The following PDE4D variants were observed in gnomAD, a reference collection of about 807,000 sequenced individuals.
PDE4D encodes phosphodiesterase 4D.
A neutral mutation model predicts 87.4 loss-of-function variants in PDE4D; 24 were observed. That is an observed-to-expected ratio of 0.27 (90% CI 0.20 to 0.39). The LOEUF is 0.39. Ranked by LOEUF, PDE4D falls within the 10% of genes least tolerant of loss-of-function variation. The pLI is 1.00. For missense variants in PDE4D, 714 were observed against 1,041.0 expected, an observed-to-expected ratio of 0.69 and a Z score of 4.32; for synonymous variants, 384 against 383.2, an observed-to-expected ratio of 1.00 and a Z score of -0.02.
chr5:59,771,340 C>G (rs1432803025), intron 1 of PDE4D, among the ~76,000 whole-genome samples: 1 of 148,790 alleles, frequency 6.7e-6, no homozygotes, highest in African/African-American at 2.5e-5. Context: ...AAAAGTGATT[C>G]TTAGTGACCA....
intron 1 of PDE4D, among the ~76,000 whole-genome samples, chr5:60,474,694 A>G (rs184755330): frequency 9.2e-5 from 14 of 152,344 alleles, no homozygotes; most frequent in African/African-American, 3.1e-4. Context: ...ATGCGAAGTC[A>G]TTCAGACACA....
chr5:60,297,505 G>C (rs1022078489), intron 1 of PDE4D, among the ~76,000 whole-genome samples: 1 of 152,052 alleles, frequency 6.6e-6, no homozygotes, highest in African/African-American at 2.4e-5. Context: ...AGTATGTTAT[G>C]GTTACCAAAC....
intron 6 of PDE4D, among the ~76,000 whole-genome samples, chr5:58,995,433 G>A (rs1217624690): frequency 6.6e-6 from 1 of 151,968 alleles, no homozygotes; most frequent in East Asian, 1.9e-4. Context: ...AATAAACTTT[G>A]GGCCTTCTAA....
chr5:60,114,609 A>G (rs1026280677), intron 2 of PDE4D, among the ~76,000 whole-genome samples: 1 of 152,084 alleles, frequency 6.6e-6, no homozygotes, highest in African/African-American at 2.4e-5. Context: ...TACTAAAGAA[A>G]AACCAAATGA....
intron 2 of PDE4D, chr5:60,031,040 T>C (rs1767185993): frequency 2.0e-5 from 3 of 152,196 alleles, no homozygotes; most frequent in African/African-American, 4.8e-5. Context: ...TTGTTGAAAA[T>C]AGATATAGAA....
chr5:60,246,291 G>T (rs1747769149), intron 1 of PDE4D, among the ~76,000 whole-genome samples: 1 of 150,944 alleles, frequency 6.6e-6, no homozygotes, highest in South Asian at 2.1e-4. Context: ...GACGTGTGTT[G>T]ATTTAATTTC....
chr5:59,254,673 A>G (rs1221953778), intron 1 of PDE4D, among the ~76,000 whole-genome samples: 2 of 152,050 alleles, frequency 1.3e-5, no homozygotes, highest in South Asian at 2.1e-4. Flanking sequence ...CAAATTTTCA[A>G]TTGAAAAATT....
chr5:60,164,697 C>A (rs1459552521), intron 2 of PDE4D, among the ~76,000 whole-genome samples: 1 of 152,112 alleles, frequency 6.6e-6, no homozygotes, highest in South Asian at 2.1e-4. Flanking sequence ...GAAATTTTGG[C>A]TCTATTAATT....
rs548119447 is a variant in PDE4D, at chr5:59,013,823, C to T, written c.922-20358G>A. ...GGCCAGCATCATCCTGATACCAATG[C>T]CTGGCGGAGACACAACAAAAAAAAG... On this transcript the variant is annotated intron_variant, in intron 6 of 14. Coordinates refer to ENST00000340635, the MANE Select transcript of PDE4D (RefSeq NM_001104631.2). Among the ~76,000 whole-genome samples, 17 of 151,476 alleles carry T rather than the reference C, an allele frequency of 1.1e-4. No homozygotes were observed. The East Asian group carries it at 2.7e-3, about 24-fold the overall frequency.
chr5:59,568,242 C>G (rs559887168), intron 1 of PDE4D, among the ~76,000 whole-genome samples: 2 of 152,126 alleles, frequency 1.3e-5, no homozygotes, highest in South Asian at 4.2e-4. Flanking sequence ...TACCCAATGG[C>G]CAAAGCTGGA....
At chr5:59,137,657 G>A (rs1382722999) in intron 5 of PDE4D, among the ~76,000 whole-genome samples, 2 of 151,938 alleles carry the variant, frequency 1.3e-5, no homozygotes, top group East Asian at 1.9e-4. Flanking sequence ...CTCCCTAGTA[G>A]CTGGGACTAC....
chr5:59,403,151 A>G (rs1790979094), intron 1 of PDE4D, among the ~76,000 whole-genome samples: 1 of 132,766 alleles, frequency 7.5e-6, no homozygotes, highest in Non-Finnish European at 1.6e-5. Flanking sequence ...GTAGACAGAC[A>G]GACAGACAGA....
intron 1 of PDE4D, among the ~76,000 whole-genome samples, chr5:60,266,423 T>C (rs969164345): frequency 1.3e-5 from 2 of 152,158 alleles, no homozygotes; most frequent in Non-Finnish European, 2.9e-5. Context: ...AAAGAAAAGA[T>C]TGGGTTCCAA....
chr5:59,146,569 A>AT (rs35653778), intron 5 of PDE4D, among the ~76,000 whole-genome samples: 17,734 of 147,114 alleles, frequency 0.12, 1,184 homozygotes, highest in Non-Finnish European at 0.16. Flanking sequence ...AAGTGGTCTG[A>AT]TTTTTTTTTT....
At chr5:59,127,454 A>C (rs1227026391) in intron 5 of PDE4D, among the ~76,000 whole-genome samples, 1 of 151,504 alleles carries the variant, frequency 6.6e-6, no homozygotes, top group African/African-American at 2.4e-5. Flanking sequence ...CCCCCAATTT[A>C]GGTTAATGAG....
intron 1 of PDE4D, among the ~76,000 whole-genome samples, chr5:60,305,420 T>C (rs1370397168): frequency 6.6e-6 from 1 of 151,404 alleles, no homozygotes; most frequent in Non-Finnish European, 1.5e-5. Flanking sequence ...GAAAGGAAAA[T>C]AAAAGTACAA....
At chr5:59,144,895 G>C (rs868517155) in intron 5 of PDE4D, among the ~76,000 whole-genome samples, 8 of 142,110 alleles carry the variant, frequency 5.6e-5, no homozygotes, top group African/African-American at 1.5e-4. Flanking sequence ...TTTAATGGGG[G>C]GGGGGGGGGG....
chr5:60,002,792 A>G (rs1324247816), intron 2 of PDE4D, among the ~76,000 whole-genome samples: 1 of 152,204 alleles, frequency 6.6e-6, no homozygotes, highest in Non-Finnish European at 1.5e-5. Context: ...AATAAACGCC[A>G]TATTTGAGAA....
rs886060708 is a variant in PDE4D, at chr5:58,973,285, T to C, written c.*1379A>G. 3 of 152,238 alleles carry C rather than the reference T, an allele frequency of 2.0e-5. No homozygotes were observed. Among genetic ancestry groups the C allele is most frequent in the Non-Finnish European group, 4.4e-5 (3 of 68,030 alleles). 9.4% of individuals were successfully genotyped at this position (152,238 alleles called of 1,614,324 possible). ...AAATGAATGTTAACCCTAACTTAAC[T>C]ACCTGTTTCTTTTCACCGGTGACAA... On this transcript the variant is annotated 3_prime_UTR_variant, in exon 15 of 15. Coordinates refer to ENST00000340635, the MANE Select transcript of PDE4D (RefSeq NM_001104631.2).
Sources: gnomAD v4.1 joint callset for allele counts (sites outside exome capture counted in the v4.1 genomes callset) on GRCh38, gnomAD v4.1.1 for gene constraint, MANE v1.5 for transcripts, NCBI Gene and HGNC (gene_info 2026-07-23, HGNC 2026-07-21) for gene names.